RTN4: variants seen among roughly 807,000 people sequenced by gnomAD.
RTN4 encodes reticulon 4.
In RTN4, 32 loss-of-function variants were observed where a neutral mutation model predicts 90.4. The observed-to-expected ratio is 0.35, with a 90% CI of 0.27 to 0.48. The LOEUF is 0.48. Among genes scored for constraint, RTN4 ranks in the 20% least tolerant of loss-of-function variants. The pLI is 0.99. For synonymous variants in RTN4, 629 were observed against 552.5 expected, an observed-to-expected ratio of 1.14 and a Z score of -1.94; for missense variants, 1,706 against 1,430.2, an observed-to-expected ratio of 1.19 and a Z score of -3.11.
intron 1 of RTN4, among the ~76,000 whole-genome samples, chr2:55,092,181 C>T (rs1017743966): frequency 7.7e-5 from 3 of 38,804 alleles, no homozygotes; most frequent in African/African-American, 1.2e-4. Flanking sequence ...CAGAGTGAGA[C>T]CATGACTTAA....
At chr2:55,079,500 G>A (rs1000123172) in intron 2 of RTN4, among the ~76,000 whole-genome samples, 4 of 152,324 alleles carry the variant, frequency 2.6e-5, no homozygotes, top group African/African-American at 7.2e-5. Context: ...AGTGGCAGAA[G>A]ACGATGAGCT....
intron 6 of RTN4, chr2:54,974,158 A>C (rs1178064296): frequency 3.0e-6 from 1 of 332,946 alleles, no homozygotes; most frequent in African/African-American, 2.1e-5. Flanking sequence ...TGACTGCACC[A>C]TCATATAAAG....
chr2:55,050,047 A>T lies in RTN4; in HGVS notation c.254T>A (p.Phe85Tyr), dbSNP rs748392520. ...GGGTCCCCGGGGCGCCGGCGGCACG[A>T]AGTCATTTCCGAAGTCCATCAGGGG... ...GAPLMDFGND[F>Y]VPPAPRGPLP... Residue 85 changes from phenylalanine to tyrosine, a missense_variant, in exon 1 of 9, where the codon TTC becomes TAC. By Grantham distance (22) the Phe-to-Tyr change is conservative. Transcript: ENST00000337526. The surrounding 1 kb of genome is among the most constrained non-coding windows in gnomAD (Gnocchi z 4.6). 6 of 1,412,492 alleles carry T rather than the reference A, an allele frequency of 4.2e-6. No homozygotes were observed. In the African/African-American group the frequency reaches 7.5e-5, roughly 18 times the overall value. The allele number at this position is 1,412,492 out of a possible 1,614,324, so 87.5% of individuals were successfully genotyped here.
intron 5 of RTN4, among the ~76,000 whole-genome samples, chr2:54,977,683 G>A (rs1677750543): frequency 6.6e-6 from 1 of 152,086 alleles, no homozygotes; most frequent in South Asian, 2.1e-4. Context: ...AGCGAGGGGA[G>A]GGAGGATTTA....
intron 1 of RTN4, among the ~76,000 whole-genome samples, chr2:55,046,185 A>G (rs1667707359): frequency 1.3e-5 from 2 of 152,196 alleles, no homozygotes; most frequent in South Asian, 2.1e-4. Context: ...TGCTCTGCAC[A>G]TTTCTCACCT....
At chr2:54,987,351 T>C in intron 4 of RTN4, 140 bp downstream of exon 4, 3 of 669,654 alleles carry the variant, frequency 4.5e-6, no homozygotes, top group African/African-American at 1.8e-5. Flanking sequence ...CAGATGTTTT[T>C]GGTATAGCTC....
At chr2:55,072,348 G>A (rs1668530821) in intron 2 of RTN4, among the ~76,000 whole-genome samples, 1 of 151,964 alleles carries the variant, frequency 6.6e-6, no homozygotes, top group Admixed American at 6.5e-5. Context: ...TCCTGCCTCA[G>A]CCTCCCGAGT....
upstream of RTN4, among the ~76,000 whole-genome samples, chr2:55,114,532 C>T (rs563997533): frequency 3.1e-3 from 476 of 152,228 alleles, 1 homozygote; most frequent in Non-Finnish European, 5.9e-3. Context: ...AACCCCGTCG[C>T]TACTAAAAAT....
At chr2:55,076,734 C>T (rs1039974017) in intron 2 of RTN4, among the ~76,000 whole-genome samples, 5 of 151,956 alleles carry the variant, frequency 3.3e-5, no homozygotes, top group African/African-American at 9.7e-5. Flanking sequence ...CCATAATCCC[C>T]GCGTGTCTTG....
upstream of RTN4, among the ~76,000 whole-genome samples, chr2:55,114,520 G>A (rs1471988009): frequency 1.3e-5 from 2 of 152,162 alleles, no homozygotes; most frequent in Non-Finnish European, 2.9e-5. Flanking sequence ...CTGACATGGT[G>A]AAACCCCGTC....
In RTN4 at chr2:55,007,182, G is replaced by T. The variant is rs149260497; in HGVS notation, c.3013+17904C>A. On this transcript the variant is annotated intron_variant, in intron 3 of 8. Transcript: ENST00000337526. ...AGTCTTTACACCTCATCCTTGTCCT[G>T]CAAATCTATACCAAATGCCAAGTAT... is the stretch of plus-strand genomic sequence containing the variant. 1.6e-3 allele frequency among the ~76,000 whole-genome samples: 242 copies of T among 152,104 alleles called. 1 individual carries two copies. The highest frequency in any genetic ancestry group is 6.8e-3 in the Middle Eastern group (2 of 294).
chr2:54,997,732 A>T (rs2104729780), intron 3 of RTN4, among the ~76,000 whole-genome samples: 1 of 152,310 alleles, frequency 6.6e-6, no homozygotes, highest in South Asian at 2.1e-4. Flanking sequence ...CCCTGGTTAG[A>T]GTTTCCTGCA....
intron 1 of RTN4, among the ~76,000 whole-genome samples, chr2:55,092,426 G>A (rs530911864): frequency 6.6e-6 from 1 of 151,908 alleles, no homozygotes; most frequent in African/African-American, 2.4e-5. Context: ...GTAGAGACAG[G>A]GTTTCTCCAT....
At chr2:55,137,014 A>T in the RTN4 span, among the ~76,000 whole-genome samples, 1 of 152,170 alleles carries the variant, frequency 6.6e-6, no homozygotes, top group Non-Finnish European at 1.5e-5. Context: ...GAGACGCATA[A>T]ACCATCACCT....
chr2:55,047,719 TTC>T (rs1667841032), intron 1 of RTN4, among the ~76,000 whole-genome samples: 1 of 152,198 alleles, frequency 6.6e-6, no homozygotes, highest in Non-Finnish European at 1.5e-5. Context: ...GTGGGACACT[TTC>T]TGTCCCCGAA....
At chr2:54,982,413 A>G (rs1678210001) in intron 5 of RTN4, 102 bp downstream of exon 5, 22 of 985,866 alleles carry the variant, frequency 2.2e-5, no homozygotes, top group Non-Finnish European at 3.1e-5. Context: ...GATTTAATTA[A>G]TATTTATCAT....
the RTN4 span, among the ~76,000 whole-genome samples, chr2:55,119,046 C>G: frequency 1.3e-5 from 2 of 152,116 alleles, no homozygotes; most frequent in African/African-American, 2.4e-5. Flanking sequence ...TGCCTGGGGC[C>G]CCTTCCTGAG....
chr2:55,055,060 A>G (rs181380987), upstream of RTN4, among the ~76,000 whole-genome samples: 1 of 152,284 alleles, frequency 6.6e-6, no homozygotes, highest in East Asian at 1.9e-4. Context: ...GAAATCCCAT[A>G]ATAAGCAAGT....
At chr2:55,113,112 C>T (rs534288391), upstream of RTN4, among the ~76,000 whole-genome samples, 98 of 152,220 alleles carry the variant, frequency 6.4e-4, no homozygotes, top group African/African-American at 2.0e-3. Context: ...GGAGGAAGAC[C>T]GTGACCTGAC....
Sources: allele counts gnomAD v4.1 joint callset (sites outside exome capture counted in the v4.1 genomes callset), GRCh38; gene constraint gnomAD v4.1.1; non-coding constraint Gnocchi (gnomAD v3.1); transcripts MANE v1.5; gene names NCBI Gene and HGNC (gene_info 2026-07-23, HGNC 2026-07-21).